Variants in ROBO2 observed in about 807,000 individuals in gnomAD.
ROBO2 encodes the protein roundabout guidance receptor 2.
ROBO2 carries 53 observed loss-of-function variants against 160.8 expected under a neutral mutation model. That is an observed-to-expected ratio of 0.33 (90% CI 0.26 to 0.41). The LOEUF is 0.41. ROBO2 is among the 10% of genes least tolerant of loss of function. The pLI is 1.00. For synonymous variants in ROBO2, 664 were observed against 611.7 expected, an observed-to-expected ratio of 1.09 and a Z score of -1.26; for missense variants, 1,577 against 1,722.4, an observed-to-expected ratio of 0.92 and a Z score of 1.49.
At chr3:77,154,080 T>C (rs62251811) in intron 2 of ROBO2, among the ~76,000 whole-genome samples, 3,355 of 152,124 alleles carry the variant, frequency 0.022, 56 homozygotes, top group Middle Eastern at 0.054. Flanking sequence ...AAAAGCAGTT[T>C]CTTCTTAATA....
At chr3:77,069,371 C>T (rs1375705481) in intron 1 of ROBO2, among the ~76,000 whole-genome samples, 3 of 152,078 alleles carry the variant, frequency 2.0e-5, no homozygotes, top group Non-Finnish European at 4.4e-5. Context: ...TGATATTCTT[C>T]AAATCTTCAT....
At chr3:77,390,571 T>C (rs1244037020) in intron 2 of ROBO2, among the ~76,000 whole-genome samples, 1 of 152,126 alleles carries the variant, frequency 6.6e-6, no homozygotes, top group African/African-American at 2.4e-5. Context: ...CTGTGAGGAC[T>C]CCCCAGCCAT....
At position 77,054,928 on chromosome 3, in the gene ROBO2, A is replaced by ATGTGTGTGTGTGTGTG. The variant is rs574557375; in HGVS notation, c.61+14094_61+14109dup. Among the ~76,000 whole-genome samples the ATGTGTGTGTGTGTGTG allele has an allele frequency of 4.2e-4, 48 of 113,218 alleles. 1 individual carries two copies. Among genetic ancestry groups the ATGTGTGTGTGTGTGTG allele is most frequent in the East Asian group, 1.7e-3 (8 of 4,812 alleles). The allele number at this position is 113,218 out of a possible 152,430, so 74.3% of individuals were successfully genotyped here. A position where few individuals can be genotyped will look rare whatever the true frequency, so the allele number is the denominator to read the frequency against. Reference sequence around the variant, plus strand: ...CTGCAGTCCACAAAATCTCGCGTGTATGTGTGTGTGTGTGTGTGTGTGTGT... The same window carrying ATGTGTGTGTGTGTGTG: ...CTGCAGTCCACAAAATCTCGCGTGTATGTGTGTGTGTGTGTGTGTGTGTGTGTGTGTGTGTGTGTGT... On this transcript the variant is annotated intron_variant, in intron 1 of 25. Coordinates refer to ENST00000461745, the Ensembl canonical transcript of ROBO2.
rs181204237 is a variant in ROBO2, at chr3:76,739,240, A to C, written c.110-358774A>C. Among the ~76,000 whole-genome samples, 988 of 152,334 alleles carry C rather than the reference A, an allele frequency of 6.5e-3. 6 individuals carry two copies. The highest frequency in any genetic ancestry group is 0.024 in the Middle Eastern group (7 of 294). On this transcript the variant is annotated intron_variant, in intron 2 of 26. Transcript: ENST00000487694. ...GACTTGGAACCAACCCAAATGTCCAACAATGATAGACTGGATTAAGAAAAT... is the reference window on the plus strand; with the variant it reads ...GACTTGGAACCAACCCAAATGTCCACCAATGATAGACTGGATTAAGAAAAT...
chr3:77,423,188 T>A (rs1192506908), intron 2 of ROBO2, among the ~76,000 whole-genome samples: 1 of 152,186 alleles, frequency 6.6e-6, no homozygotes, highest in African/African-American at 2.4e-5. Flanking sequence ...GAAGCAACAT[T>A]TCTTTAATCT....
chr3:76,705,894 G>A (rs1307400925), intron 2 of ROBO2, among the ~76,000 whole-genome samples: 1 of 152,014 alleles, frequency 6.6e-6, no homozygotes, highest in Non-Finnish European at 1.5e-5. Flanking sequence ...TAGAATGGCG[G>A]GTGAACAGCA....
intron 2 of ROBO2, among the ~76,000 whole-genome samples, chr3:76,703,980 ACTT>A (rs1165425508): frequency 2.0e-5 from 3 of 150,550 alleles, no homozygotes; most frequent in African/African-American, 7.5e-5. Flanking sequence ...TTCAAATAGT[ACTT>A]CTTTTTTTTT....
chr3:76,665,196 A>G (rs6775015), intron 2 of ROBO2, among the ~76,000 whole-genome samples: 68,707 of 151,786 alleles, frequency 0.45, 16,141 homozygotes, highest in African/African-American at 0.58. Flanking sequence ...TTCTATATTC[A>G]TACCTCCATT....
intron 2 of ROBO2, among the ~76,000 whole-genome samples, chr3:76,219,000 G>A (rs1446777745): frequency 1.3e-5 from 2 of 152,098 alleles, no homozygotes; most frequent in African/African-American, 2.4e-5. Context: ...GCCCTCAGAA[G>A]TAATGCCGCA....
At chr3:76,833,311 A>G (rs948401770) in intron 2 of ROBO2, among the ~76,000 whole-genome samples, 1 of 152,174 alleles carries the variant, frequency 6.6e-6, no homozygotes, top group Non-Finnish European at 1.5e-5. Context: ...TGTGACAACT[A>G]TTGGTGGCAT....
At chr3:76,301,574 C>G (rs775788733) in intron 2 of ROBO2, among the ~76,000 whole-genome samples, 6 of 152,012 alleles carry the variant, frequency 3.9e-5, no homozygotes, top group Non-Finnish European at 7.4e-5. Context: ...CTCATTACAC[C>G]TGACACTTCA....
intron 2 of ROBO2, among the ~76,000 whole-genome samples, chr3:76,790,125 C>T (rs2063260860): frequency 6.6e-6 from 1 of 151,636 alleles, no homozygotes; most frequent in Non-Finnish European, 1.5e-5. Flanking sequence ...TAGTCTCATA[C>T]TGCTGAATCA....
intron 2 of ROBO2, among the ~76,000 whole-genome samples, chr3:76,910,188 A>C (rs1406470705): frequency 6.6e-6 from 1 of 152,178 alleles, no homozygotes; most frequent in African/African-American, 2.4e-5. Flanking sequence ...TGCCTTACTC[A>C]AGATGTTTTG....
Position 77,562,401 on chromosome 3 carries a change from G to A in ROBO2, c.1438-250G>A, listed in dbSNP as rs17525586. 0.14 allele frequency among the ~76,000 whole-genome samples: 21,791 copies of A among 151,846 alleles called. 1,748 individuals are homozygous for A. The highest frequency in any genetic ancestry group is 0.18 in the South Asian group (870 of 4,796). ...AGGAAGAAAAAGAGAGGGGCAAATT[G>A]TTTATCAGACAAATTAACATTGAGG... On this transcript the variant is annotated intron_variant, in intron 9 of 25. Transcript: ENST00000461745.
intron 2 of ROBO2, among the ~76,000 whole-genome samples, chr3:76,050,410 T>C (rs1280575347): frequency 1.3e-5 from 2 of 152,144 alleles, no homozygotes; most frequent in African/African-American, 2.4e-5. Context: ...TTTTGCAGTT[T>C]GGGGACTCAG....
intron 2 of ROBO2, among the ~76,000 whole-genome samples, chr3:76,579,908 C>T (rs2085548307): frequency 6.6e-6 from 1 of 152,042 alleles, no homozygotes. Context: ...ATAAACATGT[C>T]ATTCGACACT....
Position 75,981,904 on chromosome 3 carries a change from G to T in ROBO2, c.109+44302G>T, listed in dbSNP as rs533239980. Among the ~76,000 whole-genome samples the T allele has an allele frequency of 1.6e-4, 24 of 150,508 alleles. No individual in the cohort carries two copies. In the South Asian group the frequency reaches 2.9e-3, roughly 18 times the overall value. On this transcript the variant is annotated intron_variant, in intron 2 of 26. Coordinates refer to the ROBO2 transcript ENST00000487694. ...TACCTATTAACAATCTCCACCCTCT[G>T]CCCCCTCCCAAAAACCCCCTACCCT...
At chr3:77,339,353 G>T (rs1048388543) in intron 2 of ROBO2, among the ~76,000 whole-genome samples, 1 of 152,044 alleles carries the variant, frequency 6.6e-6, no homozygotes, top group African/African-American at 2.4e-5. Context: ...AACTGGTCAG[G>T]TGATAAAGAA....
At chr3:76,126,611 G>A (rs1333122875) in intron 2 of ROBO2, among the ~76,000 whole-genome samples, 1 of 151,950 alleles carries the variant, frequency 6.6e-6, no homozygotes, top group Non-Finnish European at 1.5e-5. Context: ...TTTATTTAAG[G>A]CATTGCATTC....
Sources: gnomAD v4.1 joint callset for allele counts (sites outside exome capture counted in the v4.1 genomes callset) on GRCh38, gnomAD v4.1.1 for gene constraint, MANE v1.5 for transcripts, NCBI Gene and HGNC (gene_info 2026-07-23, HGNC 2026-07-21) for gene names.